Variants in SDK1 observed in about 807,000 individuals in gnomAD.
SDK1 encodes sidekick cell adhesion molecule 1.
Under a neutral mutation model 245.5 loss-of-function variants are expected in SDK1, and 157 were observed. The ratio of observed to expected loss-of-function variants is 0.64; its 90% CI spans 0.56 to 0.73. SDK1 has a LOEUF of 0.73. Ranked by LOEUF, SDK1 falls within the 30% of genes least tolerant of loss-of-function variation. The pLI is 0.00. For synonymous variants in SDK1, 1,647 were observed against 1,278.5 expected (o/e 1.29, Z -6.15); for missense variants, 3,583 against 3,002.3 (o/e 1.19, Z -4.52).
intron 4 of SDK1, among the ~76,000 whole-genome samples, chr7:3,722,754 C>A (rs78907295): frequency 1.6e-4 from 25 of 152,292 alleles, no homozygotes; most frequent in Admixed American, 6.5e-4. Context: ...GGGACTCGCG[C>A]GGGTGGCTCA....
intron 17 of SDK1, among the ~76,000 whole-genome samples, chr7:4,036,289 G>C (rs932605350): frequency 2.0e-5 from 3 of 152,030 alleles, no homozygotes; most frequent in African/African-American, 7.2e-5. Context: ...GTTTCTTTAG[G>C]TCGACAGTTC....
In SDK1 at chr7:3,908,364, G is replaced by A. The variant is rs573097480; in HGVS notation, c.848-42559G>A. Among the ~76,000 whole-genome samples the A allele has an allele frequency of 3.9e-5, 6 of 152,314 alleles. No homozygotes were observed. In the South Asian group the frequency reaches 8.3e-4, roughly 21 times the overall value. ...TGACGCCAGATCCAGGAGACGATCA[G>A]CTTGGTCTCATTCCCCACCACGAAC... On this transcript the variant is annotated intron_variant, in intron 5 of 44. Coordinates refer to ENST00000404826, the MANE Select transcript of SDK1 (RefSeq NM_152744.4).
intron 1 of SDK1, among the ~76,000 whole-genome samples, chr7:3,563,950 A>C (rs560533628): frequency 6.6e-6 from 1 of 152,094 alleles, no homozygotes; most frequent in Non-Finnish European, 1.5e-5. Context: ...ATATTTCTAA[A>C]TAGCTATTGA....
chr7:4,203,536 A>T (rs199810317), intron 35 of SDK1, among the ~76,000 whole-genome samples: 36,983 of 147,156 alleles, frequency 0.25, 4,845 homozygotes, highest in African/African-American at 0.37. Flanking sequence ...TTTTTTTTAA[A>T]AAAAAAAAGC....
At chr7:4,192,924 C>T (rs2128223058) in intron 35 of SDK1, among the ~76,000 whole-genome samples, 1 of 150,766 alleles carries the variant, frequency 6.6e-6, no homozygotes, top group South Asian at 2.1e-4. Flanking sequence ...AATACTTTTA[C>T]CATATATCCC....
intron 1 of SDK1, among the ~76,000 whole-genome samples, chr7:3,558,221 T>G (rs1261708542): frequency 6.6e-6 from 1 of 152,168 alleles, no homozygotes; most frequent in Non-Finnish European, 1.5e-5. Flanking sequence ...TTGAGCAAAA[T>G]GGGAGATTTC....
intron 1 of SDK1, among the ~76,000 whole-genome samples, chr7:3,340,214 G>A (rs892997377): frequency 5.3e-5 from 8 of 151,976 alleles, no homozygotes; most frequent in Admixed American, 3.9e-4. Flanking sequence ...AGATGTGGCG[G>A]ATTTGGTTTC....
At chr7:3,965,882 T>G (rs2128131040) in intron 9 of SDK1, among the ~76,000 whole-genome samples, 1 of 151,656 alleles carries the variant, frequency 6.6e-6, no homozygotes, top group South Asian at 2.1e-4. Context: ...GGAGGGGACA[T>G]CAGGTGCCTT....
chr7:3,767,170 T>G (rs890550743), intron 4 of SDK1, among the ~76,000 whole-genome samples: 2 of 152,092 alleles, frequency 1.3e-5, no homozygotes, highest in African/African-American at 4.8e-5. Flanking sequence ...CTTCACACAC[T>G]GGAGGGCTGA....
At chr7:3,703,586 C>G (rs1784802760) in intron 4 of SDK1, among the ~76,000 whole-genome samples, 1 of 152,108 alleles carries the variant, frequency 6.6e-6, no homozygotes, top group African/African-American at 2.4e-5. Flanking sequence ...GCTATACTCA[C>G]ACATTGCACT....
At chr7:3,980,283 T>C (rs1460941475) in intron 13 of SDK1, among the ~76,000 whole-genome samples, 1 of 152,244 alleles carries the variant, frequency 6.6e-6, no homozygotes, top group Non-Finnish European at 1.5e-5. Context: ...CTCTCTCCCG[T>C]ACTGTTGGGT....
chr7:4,027,143 G>A (rs574097075), intron 17 of SDK1, among the ~76,000 whole-genome samples: 3 of 152,296 alleles, frequency 2.0e-5, no homozygotes, highest in South Asian at 2.1e-4. Context: ...AGAGGAGATC[G>A]GAGCCAGCAA....
intron 17 of SDK1, among the ~76,000 whole-genome samples, chr7:4,019,500 T>C (rs1411118311): frequency 6.6e-6 from 1 of 152,178 alleles, no homozygotes. Context: ...AGTAGTCTTC[T>C]GGATGGGGAA....
In SDK1 at chr7:3,519,431, A is replaced by G. The variant is rs187322306; in HGVS notation, c.299-99649A>G. ...TGTGTCAAATAAAAATAAAAGTGTG[A>G]GCCTTGCTACCCAACAATTACACTT... On this transcript the variant is annotated intron_variant, in intron 1 of 44. Transcript: ENST00000404826. Among the ~76,000 whole-genome samples the G allele has an allele frequency of 8.4e-3, 1,274 of 152,096 alleles. 16 individuals carry two copies. Among genetic ancestry groups the G allele is most frequent in the Middle Eastern group, 0.024 (7 of 292 alleles).
intron 1 of SDK1, among the ~76,000 whole-genome samples, chr7:3,357,326 GTGTTTTTTTT>G (rs1780826671): frequency 4.0e-5 from 2 of 50,102 alleles, no homozygotes; most frequent in African/African-American, 6.4e-5. Flanking sequence ...CCTTCTTTTA[GTGTTTTTTTT>G]TTTTTTTTTT....
intron 5 of SDK1, among the ~76,000 whole-genome samples, chr7:3,843,321 C>G (rs1236787146): frequency 6.6e-6 from 1 of 152,184 alleles, no homozygotes; most frequent in Non-Finnish European, 1.5e-5. Flanking sequence ...GATTTGAAGC[C>G]AAGTTGAATC....
At chr7:4,252,286 C>G (rs1262228778) in intron 44 of SDK1, among the ~76,000 whole-genome samples, 2 of 151,026 alleles carry the variant, frequency 1.3e-5, no homozygotes, top group Non-Finnish European at 2.9e-5. Flanking sequence ...CAATTCCCAC[C>G]TATGAGTGAG....
rs556398515 is a variant in SDK1, at chr7:4,146,474, T to A, written c.4423+558T>A. On this transcript the variant is annotated intron_variant, in intron 29 of 44. Coordinates refer to ENST00000404826, the MANE Select transcript of SDK1 (RefSeq NM_152744.4). The stretch of plus-strand genomic sequence containing the variant: ...CATAACACACTTTCAGCCTCACACC[T>A]GCTCTCTCAGACACCTGAGCATTGC... 1.7e-4 allele frequency among the ~76,000 whole-genome samples: 26 copies of A among 152,166 alleles called. 1 individual carries two copies. The South Asian group carries it at 5.2e-3, about 30-fold the overall frequency.
At chr7:4,201,431 T>G (rs1449390135) in intron 35 of SDK1, among the ~76,000 whole-genome samples, 1 of 152,230 alleles carries the variant, frequency 6.6e-6, no homozygotes, top group Non-Finnish European at 1.5e-5. Context: ...TTGATGTCAT[T>G]AAAGCAAACT....
Sources: allele counts gnomAD v4.1 joint callset (sites outside exome capture counted in the v4.1 genomes callset), GRCh38; gene constraint gnomAD v4.1.1; transcripts MANE v1.5; gene names NCBI Gene and HGNC (gene_info 2026-07-23, HGNC 2026-07-21).